ZNF710: variants seen among roughly 807,000 people sequenced by gnomAD.
ZNF710 encodes the protein zinc finger protein 710.
In ZNF710, 13 loss-of-function variants were observed where a neutral mutation model predicts 50.6. The observed-to-expected ratio is 0.26, with a 90% CI of 0.17 to 0.41. The LOEUF is 0.41. Ranked by LOEUF, ZNF710 falls within the 10% of genes least tolerant of loss-of-function variation. The probability of loss-of-function intolerance (pLI) is 1.00; values close to 1 mark genes in which losing one functional copy is unlikely to be tolerated. For missense variants in ZNF710, 721 were observed against 936.6 expected (o/e 0.77, Z 3.01); for synonymous variants, 383 against 397.0 (o/e 0.96, Z 0.42).
In ZNF710 at chr15:90,074,115, G is replaced by A. The variant is rs748347023; in HGVS notation, c.1651-1G>A. 6.2e-7 allele frequency: 1 copy of A among 1,612,950 alleles called. No homozygotes were observed. The highest frequency in any genetic ancestry group is 1.7e-5 in the Admixed American group (1 of 59,690). Reference sequence around the variant, plus strand: ...CAGGACACCGGGTTGATGTGTTCTAGGTGTGCGGGAAGTCCTTCAACCGCA... The same window carrying A: ...CAGGACACCGGGTTGATGTGTTCTAAGTGTGCGGGAAGTCCTTCAACCGCA... On this transcript the variant is annotated splice_acceptor_variant, in intron 3 of 4. Transcript: ENST00000268154. LOFTEE classifies it high-confidence loss of function.
chr15:90,033,572 G>T (rs535448921), intron 1 of ZNF710, among the ~76,000 whole-genome samples: 2 of 152,298 alleles, frequency 1.3e-5, no homozygotes, highest in African/African-American at 4.8e-5. Flanking sequence ...TTTAGAGACA[G>T]GTTCTCACTC....
At chr15:90,061,658 C>T (rs915845031) in intron 1 of ZNF710, among the ~76,000 whole-genome samples, 3 of 152,156 alleles carry the variant, frequency 2.0e-5, no homozygotes, top group African/African-American at 4.8e-5. Flanking sequence ...TGATCCCACC[C>T]GACCCTCCTC....
At chr15:90,013,945 C>G (rs1004337300) in intron 1 of ZNF710, among the ~76,000 whole-genome samples, 6 of 152,116 alleles carry the variant, frequency 3.9e-5, no homozygotes, top group Non-Finnish European at 8.8e-5. Flanking sequence ...TTTTTGAAAG[C>G]CCAGAGCTGT....
intron 2 of ZNF710, among the ~76,000 whole-genome samples, chr15:90,071,839 C>T (rs555421643): frequency 2.0e-5 from 3 of 152,100 alleles, no homozygotes; most frequent in African/African-American, 7.2e-5. Flanking sequence ...CCACGCTCAG[C>T]TAATTATTGT....
At chr15:90,054,552 C>T (rs909025151) in intron 1 of ZNF710, among the ~76,000 whole-genome samples, 9 of 152,190 alleles carry the variant, frequency 5.9e-5, no homozygotes, top group African/African-American at 2.2e-4. Context: ...TCAGTTTCCA[C>T]GTCTGTATAA....
Position 90,068,625 on chromosome 15 carries a change from G to T in ZNF710, c.1458+30G>T. The T allele has an allele frequency of 1.3e-6, 2 of 1,547,896 alleles. No homozygotes were observed. The highest frequency in any genetic ancestry group is 1.7e-6 in the Non-Finnish European group (2 of 1,148,638). On this transcript the variant is annotated intron_variant, in intron 2 of 4. Coordinates refer to ENST00000268154, the MANE Select transcript of ZNF710 (RefSeq NM_198526.4). The surrounding 1 kb of genome is among the most constrained non-coding windows in gnomAD (Gnocchi z 5.0). ...GGCCGTTCCCAGGGCCTGGGCATCT[G>T]CCTGCCCCTCCTGCCACTTTTTCAT...
chr15:90,029,317 G>A (rs1414606509), intron 1 of ZNF710, among the ~76,000 whole-genome samples: 1 of 152,194 alleles, frequency 6.6e-6, no homozygotes, highest in East Asian at 1.9e-4. Context: ...ACAGGGTGGT[G>A]AGCTCTCCTG....
At chr15:90,063,940 C>CA in intron 1 of ZNF710, among the ~76,000 whole-genome samples, 1 of 152,296 alleles carries the variant, frequency 6.6e-6, no homozygotes, top group South Asian at 2.1e-4. Flanking sequence ...TCTTCCCCCC[C>CA]ATAGAGATGA....
At chr15:90,020,483 TC>T (rs398043557) in intron 1 of ZNF710, among the ~76,000 whole-genome samples, 5 of 98,400 alleles carry the variant, frequency 5.1e-5, no homozygotes, top group Admixed American at 8.7e-5. Context: ...CCGAACTGCC[TC>T]CCCGCCCCCG....
chr15:90,033,668 C>T (rs1476140105), intron 1 of ZNF710, among the ~76,000 whole-genome samples: 1 of 152,192 alleles, frequency 6.6e-6, no homozygotes, highest in Non-Finnish European at 1.5e-5. Flanking sequence ...GAGCGATCCT[C>T]CCAACTCAGC....
At chr15:90,070,640 C>T (rs1000755071) in intron 2 of ZNF710, among the ~76,000 whole-genome samples, 1 of 151,324 alleles carries the variant, frequency 6.6e-6, no homozygotes, top group Non-Finnish European at 1.5e-5. Flanking sequence ...GAGCAAGACT[C>T]TATCTCAAAA....
At chr15:90,035,875 G>A (rs185743981) in intron 1 of ZNF710, among the ~76,000 whole-genome samples, 14 of 152,302 alleles carry the variant, frequency 9.2e-5, no homozygotes, top group African/African-American at 3.1e-4. Context: ...AGCAGAGCAC[G>A]AAACCAAATG....
chr15:90,081,082 G>A lies in ZNF710; in HGVS notation c.*1253G>A, dbSNP rs1039477600. 1 of 152,254 alleles carries A rather than the reference G, an allele frequency of 6.6e-6. No homozygotes were observed. The highest frequency in any genetic ancestry group is 2.4e-5 in the African/African-American group (1 of 41,450). 9.4% of individuals were successfully genotyped at this position (152,254 alleles called of 1,614,324 possible). A position where few individuals can be genotyped will look rare whatever the true frequency, so the allele number is the denominator to read the frequency against. ...GCAGCCTCAGCAGGCTGGGGTGGGA[G>A]GCAGGAGAAGGCAGAGCTGGGAAGC... On this transcript the variant is annotated 3_prime_UTR_variant, in exon 5 of 5. Transcript: ENST00000268154.
At chr15:90,025,868 A>T (rs545069590) in intron 1 of ZNF710, 2 of 152,220 alleles carry the variant, frequency 1.3e-5, no homozygotes, top group South Asian at 4.1e-4. Context: ...TGGTTCAAGG[A>T]AGAAATAAAG....
At chr15:90,063,476 C>G (rs994289837) in intron 1 of ZNF710, among the ~76,000 whole-genome samples, 3 of 152,076 alleles carry the variant, frequency 2.0e-5, no homozygotes, top group African/African-American at 7.3e-5. Context: ...CAGTTGTTGG[C>G]AGCTCTCTGT....
At chr15:90,056,443 G>C (rs35357040) in intron 1 of ZNF710, among the ~76,000 whole-genome samples, 33,685 of 152,000 alleles carry the variant, frequency 0.22, 4,271 homozygotes, top group East Asian at 0.59. Context: ...GATTAGTCCT[G>C]ACTGAGGGGT....
intron 1 of ZNF710, among the ~76,000 whole-genome samples, chr15:90,053,447 C>A (rs946406262): frequency 6.6e-6 from 1 of 151,930 alleles, no homozygotes; most frequent in Admixed American, 6.5e-5. Flanking sequence ...CTCCCAGACT[C>A]AAGCCATCCT....
chr15:90,055,853 G>A (rs1413731505), intron 1 of ZNF710, among the ~76,000 whole-genome samples: 4 of 152,320 alleles, frequency 2.6e-5, no homozygotes, highest in Non-Finnish European at 4.4e-5. Flanking sequence ...GGTGGCCCAC[G>A]CCTGTAATCC....
chr15:90,006,569 A>T (rs1402521352), intron 1 of ZNF710, among the ~76,000 whole-genome samples: 2 of 152,216 alleles, frequency 1.3e-5, no homozygotes, highest in Non-Finnish European at 2.9e-5. Flanking sequence ...AAATGCTTCA[A>T]AGGAAAAAGT....
Sources: allele counts gnomAD v4.1 joint callset (sites outside exome capture counted in the v4.1 genomes callset), GRCh38; gene constraint gnomAD v4.1.1; non-coding constraint Gnocchi (gnomAD v3.1); transcripts MANE v1.5; gene names NCBI Gene and HGNC (gene_info 2026-07-23, HGNC 2026-07-21).